Variants in EVI5 observed in about 807,000 individuals in gnomAD.
EVI5 encodes ecotropic viral integration site 5.
Under a neutral mutation model 112.0 loss-of-function variants are expected in EVI5, and 73 were observed. The ratio of observed to expected loss-of-function variants is 0.65; its 90% confidence interval spans 0.54 to 0.79. The LOEUF is 0.79. EVI5 is among the 30% of genes least tolerant of loss of function. The pLI is 0.00. For missense variants in EVI5, 900 were observed against 968.8 expected (o/e 0.93, Z 0.94); for synonymous variants, 305 against 319.9 (o/e 0.95, Z 0.50).
At chr1:92,786,711 CCCTGTCACTTCCCAG>C (rs1441198597), upstream of EVI5, among the ~76,000 whole-genome samples, 3 of 152,148 alleles carry the variant, frequency 2.0e-5, no homozygotes, top group Non-Finnish European at 4.4e-5. Context: ...AACAGTGTGA[CCCTGTCACTTCCCAG>C]CCTAAACCAC....
chr1:92,572,060 T>A (rs1571618981), intron 18 of EVI5, among the ~76,000 whole-genome samples: 1 of 152,176 alleles, frequency 6.6e-6, no homozygotes, highest in East Asian at 1.9e-4. Flanking sequence ...TATTTCACTC[T>A]TGGTTCTATC....
intron 18 of EVI5, among the ~76,000 whole-genome samples, chr1:92,568,849 T>C (rs1669891461): frequency 6.6e-6 from 1 of 152,242 alleles, no homozygotes. Flanking sequence ...ATTTTAAGAA[T>C]ACAGTCTATG....
rs2101627144 is a variant in EVI5 at position 92,513,793 on chromosome 1, T to C, written c.2344A>G (p.Met782Val). ...GFPLHGKSGS[M>V]SLDPAVADGS... Reference sequence around the variant, plus strand: ...TCTGCCACTGCGGGGTCCAAAGACATCGAACCAGATTTTCCGTGCAAAGGA... The same window carrying C: ...TCTGCCACTGCGGGGTCCAAAGACACCGAACCAGATTTTCCGTGCAAAGGA... Residue 782 changes from methionine to valine, a missense_variant, in exon 20 of 20, where the codon ATG (methionine) becomes GTG (valine). By Grantham distance (21) the Met-to-Val change is conservative. Coordinates refer to ENST00000684568, the MANE Select transcript of EVI5 (RefSeq NM_001350197.2). 1.2e-6 allele frequency: 2 copies of C among 1,613,722 alleles called. No individual in the cohort carries two copies. Among genetic ancestry groups the C allele is most frequent in the Admixed American group, 1.7e-5 (1 of 59,972 alleles).
chr1:92,529,954 T>C (rs1178559055), intron 19 of EVI5, among the ~76,000 whole-genome samples: 1 of 152,188 alleles, frequency 6.6e-6, no homozygotes, highest in Non-Finnish European at 1.5e-5. Flanking sequence ...TGATTGAATA[T>C]ATGTAGATAA....
chr1:92,574,198 A>G (rs899152001), intron 18 of EVI5, among the ~76,000 whole-genome samples: 1 of 152,154 alleles, frequency 6.6e-6, no homozygotes, highest in Non-Finnish European at 1.5e-5. Context: ...GTAATTAGAG[A>G]AAGGATGAAG....
At chr1:92,569,818 C>T (rs993070222) in intron 18 of EVI5, among the ~76,000 whole-genome samples, 48 of 132,718 alleles carry the variant, frequency 3.6e-4, no homozygotes, top group Non-Finnish European at 6.9e-4. Context: ...TGCGCCACTG[C>T]ACTCCAGCCT....
chr1:92,695,422 TG>T lies in EVI5; in HGVS notation c.796del (p.Gln266AsnfsTer16). 6.2e-7 allele frequency: 1 copy of T among 1,608,158 alleles called. No homozygotes were observed. Among genetic ancestry groups the T allele is most frequent in the Non-Finnish European group, 8.5e-7 (1 of 1,175,362 alleles). On this transcript the variant is annotated frameshift_variant, in exon 7 of 20. Coordinates refer to ENST00000684568, the MANE Select transcript of EVI5 (RefSeq NM_001350197.2). LOFTEE classifies it high-confidence loss of function. Reference sequence around the variant, plus strand: ...CATTGAGGTATGAAAACTCTGAGATTGAAAATGTACAAAGAGCTCTGGAAGA... The same window carrying T: ...CATTGAGGTATGAAAACTCTGAGATTAAAATGTACAAAGAGCTCTGGAAGA... ...EHLPELFVHF[Q>X]SQSFHTSMYA...
rs184721335 is a variant in EVI5 at position 92,515,679 on chromosome 1, T to G, written c.2167-1709A>C. The stretch of plus-strand genomic sequence containing the variant: ...ACTCCTAGTCACAATCTTTCAATTC[T>G]TTAGATAAAGGCAATGTGAAATATT... On this transcript the variant is annotated intron_variant, in intron 19 of 19. Coordinates refer to ENST00000684568, the MANE Select transcript of EVI5 (RefSeq NM_001350197.2). 1.9e-3 allele frequency among the ~76,000 whole-genome samples: 291 copies of G among 152,322 alleles called. 1 individual carries two copies. The highest frequency in any genetic ancestry group is 7.7e-3 in the South Asian group (37 of 4,830).
At chr1:92,721,338 T>C (rs1467066433) in intron 2 of EVI5, among the ~76,000 whole-genome samples, 4 of 152,194 alleles carry the variant, frequency 2.6e-5, no homozygotes. Flanking sequence ...CATGGAATAC[T>C]ATGCAGCCAT....
chr1:92,689,273 T>A (rs754932177), intron 9 of EVI5, among the ~76,000 whole-genome samples: 6 of 151,644 alleles, frequency 4.0e-5, no homozygotes, highest in Non-Finnish European at 8.8e-5. Context: ...AATATAAACC[T>A]GTAAGTCCTT....
At chr1:92,602,822 AAAAACAAAAC>A (rs1172709019) in intron 18 of EVI5, among the ~76,000 whole-genome samples, 1 of 152,218 alleles carries the variant, frequency 6.6e-6, no homozygotes, top group Non-Finnish European at 1.5e-5. Context: ...CACCACCAAA[AAAAACAAAAC>A]AAAACAAAAC....
intron 14 of EVI5, among the ~76,000 whole-genome samples, chr1:92,630,489 T>A (rs1166692904): frequency 6.6e-6 from 1 of 152,250 alleles, no homozygotes; most frequent in Non-Finnish European, 1.5e-5. Context: ...TCTGTTCATA[T>A]CCTTCACCCA....
intron 19 of EVI5, among the ~76,000 whole-genome samples, chr1:92,551,584 C>T (rs7521752): frequency 0.6 from 91,398 of 151,978 alleles, 28,542 homozygotes; most frequent in East Asian, 0.92. Context: ...ATTAGTATCA[C>T]TCAAATGATA....
intron 16 of EVI5, among the ~76,000 whole-genome samples, chr1:92,623,787 G>A (rs948887484): frequency 3.7e-4 from 56 of 152,184 alleles, no homozygotes; most frequent in African/African-American, 1.2e-3. Flanking sequence ...TAGAGGCCAG[G>A]GATGCTGCTA....
chr1:92,540,367 T>C (rs1381487797), intron 19 of EVI5, among the ~76,000 whole-genome samples: 1 of 152,200 alleles, frequency 6.6e-6, no homozygotes, highest in African/African-American at 2.4e-5. Flanking sequence ...TGTTTTATTA[T>C]AGCCATCCTA....
chr1:92,694,555 T>G, intron 7 of EVI5, among the ~76,000 whole-genome samples, 167 bp from the exon 8 acceptor site: 2 of 152,294 alleles, frequency 1.3e-5, no homozygotes, highest in East Asian at 3.9e-4. Flanking sequence ...GTGGGCTATA[T>G]TGTCTGTCAA....
At chr1:92,745,338 C>T (rs1211165730) in intron 1 of EVI5, among the ~76,000 whole-genome samples, 1 of 152,090 alleles carries the variant, frequency 6.6e-6, no homozygotes, top group African/African-American at 2.4e-5. Context: ...TCATGTTTCT[C>T]TTCACTTCTA....
chr1:92,549,762 T>C (rs1339849674), intron 19 of EVI5, among the ~76,000 whole-genome samples: 1 of 152,218 alleles, frequency 6.6e-6, no homozygotes, highest in African/African-American at 2.4e-5. Context: ...TCATCATCAC[T>C]GGTCATCAGA....
At chr1:92,635,337 C>T (rs1401484827) in intron 14 of EVI5, among the ~76,000 whole-genome samples, 1 of 152,208 alleles carries the variant, frequency 6.6e-6, no homozygotes, top group Non-Finnish European at 1.5e-5. Context: ...CCAGTTGGAG[C>T]TTCCTGGCCG....
Sources: allele counts gnomAD v4.1 joint callset (sites outside exome capture counted in the v4.1 genomes callset), GRCh38; gene constraint gnomAD v4.1.1; transcripts MANE v1.5; gene names NCBI Gene and HGNC (gene_info 2026-07-23, HGNC 2026-07-21).